The following CDK17 variants were observed in gnomAD, a reference collection of about 807,000 sequenced individuals.
The protein encoded by CDK17 is cyclin dependent kinase 17.
A neutral mutation model predicts 77.6 loss-of-function variants in CDK17; 24 were observed. That is an observed-to-expected ratio of 0.31 (90% confidence interval 0.22 to 0.44). The LOEUF is 0.44. Ranked by LOEUF, CDK17 falls within the 20% of genes least tolerant of loss-of-function variation. The pLI is 1.00. For synonymous variants in CDK17, 203 were observed against 210.4 expected (o/e 0.96, Z 0.30); for missense variants, 429 against 622.5 (o/e 0.69, Z 3.31).
intron 7 of CDK17, among the ~76,000 whole-genome samples, chr12:96,298,062 G>A (rs903771287): frequency 1.3e-5 from 2 of 152,248 alleles, no homozygotes; most frequent in Admixed American, 6.5e-5. Context: ...AGGCCAAGGC[G>A]GGCGGATCGT....
intron 1 of CDK17, among the ~76,000 whole-genome samples, chr12:96,380,920 T>C (rs1259020954): frequency 1.3e-5 from 2 of 152,168 alleles, no homozygotes; most frequent in Non-Finnish European, 2.9e-5. Context: ...CTTTTTTACA[T>C]GTTCTTTTAT....
chr12:96,390,830 TG>T (rs1954056130), intron 1 of CDK17, among the ~76,000 whole-genome samples: 1 of 150,700 alleles, frequency 6.6e-6, no homozygotes, highest in Non-Finnish European at 1.5e-5. Context: ...AGGCTGGGTG[TG>T]GCGGCTCAAA....
chr12:96,323,942 A>C lies in CDK17; in HGVS notation c.283+6T>G. On this transcript the variant is annotated splice_donor_region_variant and intron_variant, in intron 3 of 16. Transcript: ENST00000261211. ...GGTAAACACAACAGACAAGTAATCAAATTACCTAATCTGCTTCCATTTCTG... is the reference window on the plus strand; with the variant it reads ...GGTAAACACAACAGACAAGTAATCACATTACCTAATCTGCTTCCATTTCTG... The C allele has an allele frequency of 1.3e-6, 2 of 1,568,190 alleles. No individual in the cohort carries two copies. Among genetic ancestry groups the C allele is most frequent in the Non-Finnish European group, 1.7e-6 (2 of 1,156,840 alleles).
At position 96,316,674 on chromosome 12, in the gene CDK17, G is replaced by C. The variant is rs1368030257; in HGVS notation, c.284-3220C>G. Among the ~76,000 whole-genome samples the C allele has an allele frequency of 3.1e-5, 4 of 127,754 alleles. 2 individuals are homozygous for C. The highest frequency in any genetic ancestry group is 5.9e-5 in the African/African-American group (2 of 34,146). 83.8% of individuals were successfully genotyped at this position (127,754 alleles called of 152,430 possible). A position where few individuals can be genotyped will look rare whatever the true frequency, so the allele number is the denominator to read the frequency against. ...CCTGACCCCCGAGCAGCCTAACTGT[G>C]AGGCACCCCCCAGCAGGGGCACACT... On this transcript the variant is annotated intron_variant, in intron 3 of 16. Transcript: ENST00000261211.
intron 1 of CDK17, among the ~76,000 whole-genome samples, chr12:96,375,736 G>C (rs2137216948): frequency 6.6e-6 from 1 of 151,900 alleles, no homozygotes; most frequent in South Asian, 2.1e-4. Context: ...AGTAGAGATG[G>C]GGTTTCACGA....
In CDK17 at chr12:96,312,159, G is replaced by A. The variant is rs146893819; in HGVS notation, c.418-982C>T. On this transcript the variant is annotated intron_variant, in intron 4 of 16. Coordinates refer to ENST00000261211, the MANE Select transcript of CDK17 (RefSeq NM_002595.5). Reference sequence around the variant, plus strand: ...CCGGGCATGGTGGTGTGTGCCTGTAGTCCCAGCTACTTGGGGCTAAGGCAG... The same window carrying A: ...CCGGGCATGGTGGTGTGTGCCTGTAATCCCAGCTACTTGGGGCTAAGGCAG... 5.7e-3 allele frequency among the ~76,000 whole-genome samples: 864 copies of A among 152,166 alleles called. 3 individuals are homozygous for A. Among genetic ancestry groups the A allele is most frequent in the Non-Finnish European group, 9.8e-3 (669 of 67,968 alleles).
At chr12:96,319,293 TG>T (rs1373860448) in intron 3 of CDK17, among the ~76,000 whole-genome samples, 3 of 143,268 alleles carry the variant, frequency 2.1e-5, no homozygotes, top group Non-Finnish European at 3.1e-5. Context: ...GAGCTGAAAT[TG>T]TGGCAATAAT....
At chr12:96,394,281 CGTT>C (rs1954129170) in intron 1 of CDK17, among the ~76,000 whole-genome samples, 2 of 151,846 alleles carry the variant, frequency 1.3e-5, no homozygotes, top group Admixed American at 1.3e-4. Context: ...TATTTACCAA[CGTT>C]GTTTACATTA....
intron 1 of CDK17, among the ~76,000 whole-genome samples, chr12:96,359,256 C>T (rs1274735477): frequency 6.6e-6 from 1 of 152,142 alleles, no homozygotes; most frequent in Non-Finnish European, 1.5e-5. Context: ...CATGGGAGAA[C>T]AACTGTTTTT....
chr12:96,366,149 C>T (rs1953579727), intron 1 of CDK17, among the ~76,000 whole-genome samples: 1 of 152,216 alleles, frequency 6.6e-6, no homozygotes, highest in Admixed American at 6.5e-5. Flanking sequence ...CCTTCCATTG[C>T]TATCCACCTT....
intron 1 of CDK17, among the ~76,000 whole-genome samples, chr12:96,357,211 C>T (rs1306978163): frequency 3.3e-5 from 5 of 152,084 alleles, no homozygotes; most frequent in Admixed American, 2.0e-4. Flanking sequence ...GCTATAATTC[C>T]AGCACTTTGG....
intron 1 of CDK17, among the ~76,000 whole-genome samples, chr12:96,353,135 T>C (rs1209144144): frequency 6.6e-6 from 1 of 152,238 alleles, no homozygotes; most frequent in Non-Finnish European, 1.5e-5. Flanking sequence ...ATGACACTTT[T>C]AACACTTTAC....
rs562981135 is a variant in CDK17, at chr12:96,298,754, T to G, written c.715+115A>C. On this transcript the variant is annotated intron_variant, in intron 7 of 16. Coordinates refer to ENST00000261211, the MANE Select transcript of CDK17 (RefSeq NM_002595.5). ...GTTTTAGAAATTTGCTTTTTAAAGG[T>G]TTAATTACATCTTCCAGTCATTTAT... is the stretch of plus-strand genomic sequence containing the variant. 3.3e-5 allele frequency: 19 copies of G among 575,900 alleles called. No individual in the cohort carries two copies. In the South Asian group the frequency reaches 5.3e-4, roughly 16 times the overall value. The allele number at this position is 575,900 out of a possible 1,614,324, so 35.7% of individuals were successfully genotyped here. A position where few individuals can be genotyped will look rare whatever the true frequency, so the allele number is the denominator to read the frequency against.
chr12:96,335,199 A>G (rs1376582716), intron 1 of CDK17: 1 of 354,682 alleles, frequency 2.8e-6, no homozygotes, highest in Non-Finnish European at 5.4e-6. Context: ...TTTGATGCTT[A>G]GGTTCCATAA....
chr12:96,399,917 A>C, intron 1 of CDK17, 69 bp downstream of exon 1: 1 of 320,216 alleles, frequency 3.1e-6, no homozygotes, highest in Non-Finnish European at 5.6e-6. Flanking sequence ...TGTCCCACGC[A>C]GCCTCCCGGC....
chr12:96,396,171 A>C (rs1433732621), intron 1 of CDK17, among the ~76,000 whole-genome samples: 1 of 152,184 alleles, frequency 6.6e-6, no homozygotes. Flanking sequence ...TTGATTTTCC[A>C]TGTTGGCCAA....
chr12:96,359,117 C>T (rs1391134693), intron 1 of CDK17, among the ~76,000 whole-genome samples: 1 of 151,980 alleles, frequency 6.6e-6, no homozygotes, highest in Non-Finnish European at 1.5e-5. Context: ...TCTTGGCCCA[C>T]CAACGTATCT....
rs941718711 is a variant in CDK17, at chr12:96,377,869, A to T, written c.-30+22117T>A. Among the ~76,000 whole-genome samples the T allele has an allele frequency of 3.9e-5, 6 of 151,972 alleles. No homozygotes were observed. The East Asian group carries it at 1.2e-3, about 29-fold the overall frequency. On this transcript the variant is annotated intron_variant, in intron 1 of 16. Coordinates refer to ENST00000261211, the MANE Select transcript of CDK17 (RefSeq NM_002595.5). ...CCACTACGCCCAGCTAATTTTTTGT[A>T]TTTTTAGTAGAGACAGGGTTTCACC...
chr12:96,338,425 G>T (rs569418648), intron 1 of CDK17, among the ~76,000 whole-genome samples: 1 of 152,182 alleles, frequency 6.6e-6, no homozygotes, highest in South Asian at 2.1e-4. Flanking sequence ...AGCATGATGG[G>T]TTGGTCTTGG....
Sources: gnomAD v4.1 joint callset for allele counts (sites outside exome capture counted in the v4.1 genomes callset) on GRCh38, gnomAD v4.1.1 for gene constraint, MANE v1.5 for transcripts, NCBI Gene and HGNC (gene_info 2026-07-23, HGNC 2026-07-21) for gene names.